The following DERL3 variants were observed in gnomAD, a reference collection of about 807,000 sequenced individuals.
The protein encoded by DERL3 is derlin 3, also known as derlin-3.
A neutral mutation model predicts 23.8 loss-of-function variants in DERL3; 20 were observed. That is an observed-to-expected ratio of 0.84 (90% CI 0.59 to 1.22). The LOEUF is 1.22. DERL3 is among the 50% of genes most tolerant of loss of function. DERL3 has a pLI of 0.00. For synonymous variants in DERL3, 145 were observed against 132.5 expected, an observed-to-expected ratio of 1.09 and a Z score of -0.65; for missense variants, 319 against 304.1, an observed-to-expected ratio of 1.05 and a Z score of -0.36.
At position 23,838,738 on chromosome 22, in the gene DERL3, G is replaced by A. The variant is rs1179442219; in HGVS notation, c.132C>T (p.Asn44=). ...GGAACTTCCGGAACACAAGGTGCGG[G>A]TTGAAGTAGAGTTGAAAGGGGCTGA... ...ELLSPFQLYF[N]PHLVFRKFQV... Residue 44 remains asparagine (N), a synonymous_variant, in exon 2 of 7, where the codon AAC becomes AAT. Transcript: ENST00000318109. 7 of 1,551,304 alleles carry A rather than the reference G, an allele frequency of 4.5e-6. No individual in the cohort carries two copies. In the Admixed American group the frequency reaches 1.2e-4, roughly 26 times the overall value.
Position 23,836,755 on chromosome 22 carries a change from A to T in DERL3, c.*114T>A. Reference sequence around the variant, plus strand: ...AGACTGCAGCTCATTCTGTTTATTCAGGTGGGCCCTTGCATGGGCCCAGCC... The same window carrying T: ...AGACTGCAGCTCATTCTGTTTATTCTGGTGGGCCCTTGCATGGGCCCAGCC... On this transcript the variant is annotated 3_prime_UTR_variant, in exon 7 of 7. Transcript: ENST00000318109. 1.4e-6 allele frequency: 2 copies of T among 1,384,342 alleles called. No individual in the cohort carries two copies. Among genetic ancestry groups the T allele is most frequent in the Non-Finnish European group, 1.9e-6 (2 of 1,072,042 alleles). The allele number at this position is 1,384,342 out of a possible 1,614,324, so 85.8% of individuals were successfully genotyped here. A position where few individuals can be genotyped will look rare whatever the true frequency, so the allele number is the denominator to read the frequency against.
intron 4 of DERL3, 59 bp downstream of exon 4, chr22:23,838,293 A>T (rs1456283725): frequency 3.2e-6 from 5 of 1,556,590 alleles, no homozygotes; most frequent in Non-Finnish European, 4.3e-6. Context: ...CCCAGGACCA[A>T]CACAGGCTGG....
Position 23,836,144 on chromosome 22 carries a change from A to C in DERL3, c.*725T>G, listed in dbSNP as rs2031030657. 1 of 985,378 alleles carries C rather than the reference A, an allele frequency of 1.0e-6. No homozygotes were observed. The highest frequency in any genetic ancestry group is 1.2e-6 in the Non-Finnish European group (1 of 829,958). 61.0% of individuals were successfully genotyped at this position (985,378 alleles called of 1,614,324 possible). A position where few individuals can be genotyped will look rare whatever the true frequency, so the allele number is the denominator to read the frequency against. On this transcript the variant is annotated 3_prime_UTR_variant, in exon 7 of 7. Coordinates refer to ENST00000318109, the MANE Select transcript of DERL3 (RefSeq NM_001002862.3). Reference sequence around the variant, plus strand: ...AAAAAGGGCAGGAACAGAACCTTCCAGAAGTCCCTGCCTCACCCAGTCTCA... The same window carrying C: ...AAAAAGGGCAGGAACAGAACCTTCCCGAAGTCCCTGCCTCACCCAGTCTCA...
rs969073294 is a variant in DERL3, at chr22:23,835,828, G to A, written c.*1041C>T. ...TGCCTCACCCCACAGGTCGGGCAGGGCCACCTGGCTGGGAGGTGCCGGGAA... is the reference window on the plus strand; with the variant it reads ...TGCCTCACCCCACAGGTCGGGCAGGACCACCTGGCTGGGAGGTGCCGGGAA... On this transcript the variant is annotated 3_prime_UTR_variant, in exon 7 of 7. Transcript: ENST00000318109. 5 of 985,270 alleles carry A rather than the reference G, an allele frequency of 5.1e-6. No individual in the cohort carries two copies. The African/African-American group carries it at 7.0e-5, about 14-fold the overall frequency. 61.0% of individuals were successfully genotyped at this position (985,270 alleles called of 1,614,324 possible). A position where few individuals can be genotyped will look rare whatever the true frequency, so the allele number is the denominator to read the frequency against.
chr22:23,836,550 C>T lies in DERL3; in HGVS notation c.*319G>A. On this transcript the variant is annotated 3_prime_UTR_variant, in exon 7 of 7. Coordinates refer to ENST00000318109, the MANE Select transcript of DERL3 (RefSeq NM_001002862.3). Reference sequence around the variant, plus strand: ...CCTGTCACCTGTGAGCTCAAAAGCTCTGCCTGGCAACCTGTGAGCTCAAAG... The same window carrying T: ...CCTGTCACCTGTGAGCTCAAAAGCTTTGCCTGGCAACCTGTGAGCTCAAAG... 1 of 1,076,422 alleles carries T rather than the reference C, an allele frequency of 9.3e-7. No homozygotes were observed. The allele number at this position is 1,076,422 out of a possible 1,614,324, so 66.7% of individuals were successfully genotyped here.
rs1277398158 is a variant in DERL3 at position 23,836,884 on chromosome 22, T to G, written c.693A>C (p.Pro231=). The change falls in exon 7 of 7, where the codon CCA becomes CCC. Residue 231 remains proline (P), a synonymous_variant. Coordinates refer to ENST00000318109, the MANE Select transcript of DERL3 (RefSeq NM_001002862.3). ...LPEEQPGPHL[P]PPQQ ...TGGGTGGGGGTCACTGCTGCGGGGG[T>G]GGCAGATGGGGTCCTGGCTGTTCCT... The G allele has an allele frequency of 4.1e-6, 6 of 1,470,442 alleles. No individual in the cohort carries two copies. In the South Asian group the frequency reaches 7.2e-5, roughly 18 times the overall value. 91.1% of individuals were successfully genotyped at this position (1,470,442 alleles called of 1,614,324 possible). A position where few individuals can be genotyped will look rare whatever the true frequency, so the allele number is the denominator to read the frequency against.
chr22:23,837,460 G>A (rs1033044266), intron 5 of DERL3, 199 bp downstream of exon 5: 1 of 669,432 alleles, frequency 1.5e-6, no homozygotes, highest in African/African-American at 1.8e-5. Flanking sequence ...CAGTAGATCC[G>A]TCCTGACGAT....
rs2030894315 is a variant in DERL3 at position 23,834,695 on chromosome 22, C to G, written c.*2174G>C. 1.6e-6 allele frequency: 2 copies of G among 1,275,212 alleles called. No individual in the cohort carries two copies. The highest frequency in any genetic ancestry group is 2.1e-6 in the Non-Finnish European group (2 of 941,630). The allele number at this position is 1,275,212 out of a possible 1,614,324, so 79.0% of individuals were successfully genotyped here. A position where few individuals can be genotyped will look rare whatever the true frequency, so the allele number is the denominator to read the frequency against. ...GTGAATGGGGCTCCGGGTAGCACCT[C>G]AGCTCCTCTCAGCTCCCCTCAGCCT... is the stretch of plus-strand genomic sequence containing the variant. On this transcript the variant is annotated 3_prime_UTR_variant, in exon 7 of 7. Coordinates refer to ENST00000318109, the MANE Select transcript of DERL3 (RefSeq NM_001002862.3).
Position 23,834,609 on chromosome 22 carries a change from A to G in DERL3, c.*2260T>C. 1.4e-6 allele frequency: 1 copy of G among 735,644 alleles called. No individual in the cohort carries two copies. The highest frequency in any genetic ancestry group is 1.5e-5 in the South Asian group (1 of 65,092). The allele number at this position is 735,644 out of a possible 1,614,324, so 45.6% of individuals were successfully genotyped here. A position where few individuals can be genotyped will look rare whatever the true frequency, so the allele number is the denominator to read the frequency against. On this transcript the variant is annotated 3_prime_UTR_variant, in exon 7 of 7. Transcript: ENST00000318109. ...CTGGGGGGACGAAGGTGGTATGTGA[A>G]CAAGGTTGGCACACAGGCCTCACCC...
Position 23,838,341 on chromosome 22 carries a change from G to A in DERL3, c.327+11C>T. The stretch of plus-strand genomic sequence containing the variant: ...CCTAGCCCGAGGTTCCAGAGCCTGC[G>A]GGAAGGATACGGTCATAAGGACGCC... On this transcript the variant is annotated intron_variant, in intron 4 of 6. Coordinates refer to ENST00000318109, the MANE Select transcript of DERL3 (RefSeq NM_001002862.3). The A allele has an allele frequency of 1.3e-6, 2 of 1,595,730 alleles. No homozygotes were observed. The highest frequency in any genetic ancestry group is 1.7e-6 in the Non-Finnish European group (2 of 1,171,542).
In DERL3 at chr22:23,836,976, C is replaced by T; in HGVS notation, c.615-14G>A. The T allele has an allele frequency of 6.2e-7, 1 of 1,604,384 alleles. No individual in the cohort carries two copies. ...AGGAGCAGCTTTCTGTGGGGAGGGGCCCGTGTTGAGCACAGGCCAGCACAG... is the reference window on the plus strand; with the variant it reads ...AGGAGCAGCTTTCTGTGGGGAGGGGTCCGTGTTGAGCACAGGCCAGCACAG... On this transcript the variant is annotated splice_polypyrimidine_tract_variant and intron_variant, in intron 6 of 6. Transcript: ENST00000318109.
In DERL3 at chr22:23,834,914, C is replaced by T. The variant is rs376592843; in HGVS notation, c.*1955G>A. On this transcript the variant is annotated 3_prime_UTR_variant, in exon 7 of 7. Coordinates refer to ENST00000318109, the MANE Select transcript of DERL3 (RefSeq NM_001002862.3). ...TGGTCAGGCTACTGCCAGCTGGGGC[C>T]TTGCTGCTCTGAAGTCCCCTGCGGA... 5.8e-4 allele frequency: 936 copies of T among 1,610,812 alleles called. 19 individuals are homozygous for T. The South Asian group carries it at 9.6e-3, about 17-fold the overall frequency.
Position 23,838,730 on chromosome 22 carries a change from A to G in DERL3, c.140T>C (p.Leu47Pro). ...SPFQLYFNPH[L>P]VFRKFQVWRL... ...CCTCACCTGGAACTTCCGGAACACA[A>G]GGTGCGGGTTGAAGTAGAGTTGAAA... Residue 47 changes from leucine (L) to proline (P), a missense_variant, in exon 2 of 7, where the codon CTT becomes CCT. Coordinates refer to ENST00000318109, the MANE Select transcript of DERL3 (RefSeq NM_001002862.3). 1.3e-6 allele frequency: 2 copies of G among 1,551,080 alleles called. No individual in the cohort carries two copies. Among genetic ancestry groups the G allele is most frequent in the Non-Finnish European group, 1.7e-6 (2 of 1,146,780 alleles).
rs1395817973 is a variant in DERL3 at position 23,835,724 on chromosome 22, C to G, written c.*1145G>C. On this transcript the variant is annotated 3_prime_UTR_variant, in exon 7 of 7. Transcript: ENST00000318109. ...TCATTGCTGAGGTGTTTGTTCTGTC[C>G]ATGAGGTAGGAACCTCGGCAATGAA... 2.0e-6 allele frequency: 2 copies of G among 985,376 alleles called. No individual in the cohort carries two copies. Among genetic ancestry groups the G allele is most frequent in the African/African-American group, 1.7e-5 (1 of 57,254 alleles). The allele number at this position is 985,376 out of a possible 1,614,324, so 61.0% of individuals were successfully genotyped here.
chr22:23,838,614 G>A lies in DERL3; in HGVS notation c.183C>T (p.Phe61=), dbSNP rs1568970978. The stretch of plus-strand genomic sequence containing the variant: ...TGAATCCCAGGGGCCCGAAGAAGAG[G>A]AAGTTGGTGACGAGCCTCCAGACCT... ...KFQVWRLVTN[F]LFFGPLGFSF... is the part of the protein sequence containing the mutation. Residue 61 remains phenylalanine, a synonymous_variant, in exon 3 of 7, where the codon TTC becomes TTT. Transcript: ENST00000318109. 15 of 1,531,478 alleles carry A rather than the reference G, an allele frequency of 9.8e-6. No individual in the cohort carries two copies. Among genetic ancestry groups the A allele is most frequent in the Non-Finnish European group, 1.3e-5 (15 of 1,131,862 alleles). 94.9% of individuals were successfully genotyped at this position (1,531,478 alleles called of 1,614,324 possible).
At position 23,838,644 on chromosome 22, in the gene DERL3, G is replaced by C. The variant is rs2031310700; in HGVS notation, c.160-7C>G. ...TGGTGACGAGCCTCCAGACCTACGG[G>C]GGACGGGCGGTCAGGTGCGGGGTGG... On this transcript the variant is annotated splice_polypyrimidine_tract_variant and splice_region_variant and intron_variant, in intron 2 of 6. Transcript: ENST00000318109. The C allele has an allele frequency of 6.4e-7, 1 of 1,563,800 alleles. No homozygotes were observed. The highest frequency in any genetic ancestry group is 8.7e-7 in the Non-Finnish European group (1 of 1,154,636).
chr22:23,836,825 A>G lies in DERL3; in HGVS notation c.*44T>C. 1.4e-6 allele frequency: 2 copies of G among 1,435,644 alleles called. No individual in the cohort carries two copies. Among genetic ancestry groups the G allele is most frequent in the Non-Finnish European group, 1.8e-6 (2 of 1,093,410 alleles). 88.9% of individuals were successfully genotyped at this position (1,435,644 alleles called of 1,614,324 possible). A position where few individuals can be genotyped will look rare whatever the true frequency, so the allele number is the denominator to read the frequency against. On this transcript the variant is annotated 3_prime_UTR_variant, in exon 7 of 7. Coordinates refer to ENST00000318109, the MANE Select transcript of DERL3 (RefSeq NM_001002862.3). Reference sequence around the variant, plus strand: ...GCCCCAAGTAGGGGTCATGGGTAGGATGGAAGCTGCCAGAAGCCTCTTAGG... The same window carrying G: ...GCCCCAAGTAGGGGTCATGGGTAGGGTGGAAGCTGCCAGAAGCCTCTTAGG...
Position 23,837,774 on chromosome 22 carries a change from G to C in DERL3, c.408C>G (p.Ser136Arg). ...AMLVYVWSRRSPRVRVNFFGL... is the reference protein window; with the variant it reads ...AMLVYVWSRRRPRVRVNFFGL... ...CGAAGAAGTTGACCCTCACCCGAGG[G>C]CTGCGGCGGCTCCACACGTACACCA... Residue 136 changes from serine (S) to arginine (R), a missense_variant, in exon 5 of 7, where the codon AGC (serine) becomes AGG (arginine). Ser to Arg is a moderately radical substitution (Grantham distance 110). Transcript: ENST00000318109. 1.2e-6 allele frequency: 2 copies of C among 1,613,942 alleles called. No individual in the cohort carries two copies. Among genetic ancestry groups the C allele is most frequent in the Non-Finnish European group, 1.7e-6 (2 of 1,180,024 alleles).
Position 23,835,990 on chromosome 22 carries a change from G to T in DERL3, c.*879C>A, listed in dbSNP as rs1356311478. On this transcript the variant is annotated 3_prime_UTR_variant, in exon 7 of 7. Transcript: ENST00000318109. ...AAATGACAACCTGTCTTTGGAGGAG[G>T]CCCCGTGCCACTGAGCATCCAGAAA... is the stretch of plus-strand genomic sequence containing the variant. 1 of 985,396 alleles carries T rather than the reference G, an allele frequency of 1.0e-6. No homozygotes were observed. Among genetic ancestry groups the T allele is most frequent in the African/African-American group, 1.7e-5 (1 of 57,256 alleles). The allele number at this position is 985,396 out of a possible 1,614,324, so 61.0% of individuals were successfully genotyped here. A position where few individuals can be genotyped will look rare whatever the true frequency, so the allele number is the denominator to read the frequency against.
Sources: gnomAD v4.1 joint callset for allele counts on GRCh38, gnomAD v4.1.1 for gene constraint, MANE v1.5 for transcripts, NCBI Gene and HGNC (gene_info 2026-07-23, HGNC 2026-07-21) for gene names.